CA6: variants seen among roughly 807,000 people sequenced by gnomAD.
CA6 encodes carbonate dehydratase VI.
Under a neutral mutation model 35.9 loss-of-function variants are expected in CA6, and 28 were observed. That is an observed-to-expected ratio of 0.78 (90% CI 0.58 to 1.07). The LOEUF is 1.07. Ranked by LOEUF, CA6 falls within the 50% of genes least tolerant of loss-of-function variation. The pLI, the probability that CA6 is intolerant of heterozygous loss-of-function variation, is 0.00. For missense variants in CA6, 377 were observed against 382.0 expected (o/e 0.99, Z 0.11); for synonymous variants, 148 against 152.6 (o/e 0.97, Z 0.22).
chr1:8,949,171 G>A lies in CA6; in HGVS notation c.80-92G>A, dbSNP rs1003451685. 1.0e-5 allele frequency: 10 copies of A among 990,406 alleles called. No homozygotes were observed. In the African/African-American group the frequency reaches 1.6e-4, roughly 15 times the overall value. The allele number at this position is 990,406 out of a possible 1,614,324, so 61.4% of individuals were successfully genotyped here. On this transcript the variant is annotated intron_variant, in intron 1 of 7. Transcript: ENST00000377443. ...AGGTGCCTCCGTGGGTCCCCGCCCA[G>A]CAGGCCCTGGCCTCTGGCCTCTGGC...
At chr1:8,957,785 C>CA (rs869085886) in intron 3 of CA6, among the ~76,000 whole-genome samples, 6,642 of 79,164 alleles carry the variant, frequency 0.084, 462 homozygotes, top group African/African-American at 0.19. Context: ...CTTGTGTCTA[C>CA]AAAAAAAAAA....
At chr1:8,971,312 T>A (rs901717549) in intron 7 of CA6, among the ~76,000 whole-genome samples, 14 of 134,440 alleles carry the variant, frequency 1.0e-4, no homozygotes, top group Non-Finnish European at 3.2e-5. Context: ...CAAGTTAACC[T>A]TTTTTTTTTT....
chr1:8,962,376 G>C (rs1168737152), intron 4 of CA6, among the ~76,000 whole-genome samples: 1 of 152,118 alleles, frequency 6.6e-6, no homozygotes, highest in Non-Finnish European at 1.5e-5. Context: ...AAATACTTCA[G>C]ATAATGCCTT....
rs747177332 is a variant in CA6 at position 8,957,299 on chromosome 1, C to T, written c.408+14C>T. ...CATGTGATCGAGGTACCTGAGGACCCCCACTGTGTCCTCTTTCCTTTGAAC... is the reference window on the plus strand; with the variant it reads ...CATGTGATCGAGGTACCTGAGGACCTCCACTGTGTCCTCTTTCCTTTGAAC... On this transcript the variant is annotated intron_variant, in intron 3 of 7. Transcript: ENST00000377443. 3.8e-6 allele frequency: 6 copies of T among 1,595,172 alleles called. No individual in the cohort carries two copies. Among genetic ancestry groups the T allele is most frequent in the Admixed American group, 1.8e-5 (1 of 56,610 alleles).
At chr1:8,965,540 A>C (rs1408569127) in intron 5 of CA6, among the ~76,000 whole-genome samples, 3 of 152,072 alleles carry the variant, frequency 2.0e-5, no homozygotes, top group African/African-American at 7.2e-5. Flanking sequence ...ACTTAGCATA[A>C]TGTCTTTTAG....
chr1:8,954,033 T>C (rs1036175940), intron 2 of CA6, among the ~76,000 whole-genome samples: 12 of 152,218 alleles, frequency 7.9e-5, no homozygotes, highest in East Asian at 3.8e-4. Flanking sequence ...GAAGTTACCC[T>C]ATGTGGTCTA....
At chr1:8,958,108 C>T (rs1015268119) in intron 3 of CA6, among the ~76,000 whole-genome samples, 1 of 152,174 alleles carries the variant, frequency 6.6e-6, no homozygotes, top group African/African-American at 2.4e-5. Flanking sequence ...CAGGACTTCA[C>T]AGCCCACAGG....
chr1:8,949,657 C>T (rs189643172), intron 2 of CA6, among the ~76,000 whole-genome samples: 1 of 152,236 alleles, frequency 6.6e-6, no homozygotes, highest in Non-Finnish European at 1.5e-5. Context: ...CGACTCAACT[C>T]CCTGCTGGTC....
intron 7 of CA6, among the ~76,000 whole-genome samples, chr1:8,972,376 T>A (rs182195515): frequency 2.6e-5 from 4 of 152,232 alleles, no homozygotes; most frequent in African/African-American, 9.6e-5. Context: ...ATGTACCTTT[T>A]AAAACTTAAA....
At chr1:8,965,992 A>G (rs931232099) in intron 5 of CA6, among the ~76,000 whole-genome samples, 9 of 152,026 alleles carry the variant, frequency 5.9e-5, no homozygotes, top group African/African-American at 2.2e-4. Context: ...CCTTTTGGCT[A>G]TTGTGAGGTA....
Position 8,962,601 on chromosome 1 carries a change from T to C in CA6, c.516T>C (p.Pro172=). 6.2e-7 allele frequency: 1 copy of C among 1,613,822 alleles called. No homozygotes were observed. The highest frequency in any genetic ancestry group is 1.7e-4 in the Middle Eastern group (1 of 6,058). Residue 172 remains proline (P), a synonymous_variant, in exon 5 of 8, where the codon CCT becomes CCC. Coordinates refer to ENST00000377443, the MANE Select transcript of CA6 (RefSeq NM_001215.4). ...LAAFVEVKNY[P]ENTYYSNFIS... Reference sequence around the variant, plus strand: ...TTTCTCTGCAGGTGAAGAATTACCCTGAAAACACTTATTACAGCAACTTCA... The same window carrying C: ...TTTCTCTGCAGGTGAAGAATTACCCCGAAAACACTTATTACAGCAACTTCA...
intron 4 of CA6, among the ~76,000 whole-genome samples, chr1:8,960,263 A>G (rs1016846819): frequency 5.9e-5 from 9 of 152,136 alleles, no homozygotes; most frequent in African/African-American, 2.2e-4. Context: ...ATGCAAAGAA[A>G]TAGGAAAATG....
intron 2 of CA6, chr1:8,952,300 C>G (rs1639560754): frequency 6.6e-6 from 1 of 151,692 alleles, no homozygotes; most frequent in Non-Finnish European, 1.5e-5. Flanking sequence ...CCACCCCCAG[C>G]TAATTTTTGT....
chr1:8,970,307 C>T (rs1158912082), intron 6 of CA6, among the ~76,000 whole-genome samples: 1 of 150,988 alleles, frequency 6.6e-6, no homozygotes, highest in Non-Finnish European at 1.5e-5. Context: ...TCTCTCCTTT[C>T]TACTACTGGA....
chr1:8,953,640 T>C (rs1557622552), intron 2 of CA6, among the ~76,000 whole-genome samples: 1 of 58,948 alleles, frequency 1.7e-5, no homozygotes, highest in African/African-American at 6.7e-5. Flanking sequence ...AATCAATCAG[T>C]CAATCAATCA....
chr1:8,950,298 T>A (rs1437713617), intron 2 of CA6, among the ~76,000 whole-genome samples: 1 of 151,894 alleles, frequency 6.6e-6, no homozygotes, highest in Non-Finnish European at 1.5e-5. Context: ...AACTGTGAAA[T>A]CTGTGCTTTA....
intron 6 of CA6, among the ~76,000 whole-genome samples, chr1:8,968,921 G>A (rs540873766): frequency 6.6e-5 from 10 of 152,132 alleles, no homozygotes; most frequent in Non-Finnish European, 1.0e-4. Flanking sequence ...CAGAGGCTGA[G>A]GTGGAAGAAT....
intron 2 of CA6, among the ~76,000 whole-genome samples, chr1:8,950,223 T>C (rs562069798): frequency 2.0e-5 from 3 of 151,964 alleles, no homozygotes; most frequent in Non-Finnish European, 4.4e-5. Flanking sequence ...CCTCAAGTTA[T>C]CTGCCCACCT....
At chr1:8,972,824 T>G (rs1640144686) in intron 7 of CA6, among the ~76,000 whole-genome samples, 1 of 152,174 alleles carries the variant, frequency 6.6e-6, no homozygotes, top group Non-Finnish European at 1.5e-5. Context: ...TTTTCTATAT[T>G]GTTTCCTGAA....
Sources: allele counts gnomAD v4.1 joint callset (sites outside exome capture counted in the v4.1 genomes callset), GRCh38; gene constraint gnomAD v4.1.1; transcripts MANE v1.5; gene names NCBI Gene and HGNC (gene_info 2026-07-23, HGNC 2026-07-21).